RYR2: variants seen among roughly 807,000 people sequenced by gnomAD.
The protein encoded by RYR2 is cardiac muscle ryanodine receptor-calcium release channel.
Under a neutral mutation model 601.1 loss-of-function variants are expected in RYR2, and 227 were observed. The observed-to-expected ratio is 0.38, with a 90% confidence interval of 0.34 to 0.42. RYR2 has a LOEUF of 0.42. Among genes scored for constraint, RYR2 ranks in the 10% least tolerant of loss-of-function variants. The pLI, the probability that RYR2 is intolerant of heterozygous loss-of-function variation, is 1.00. For missense variants in RYR2, 4,646 were observed against 6,156.5 expected, an observed-to-expected ratio of 0.75 and a Z score of 8.21; for synonymous variants, 2,223 against 2,175.1, an observed-to-expected ratio of 1.02 and a Z score of -0.61.
At chr1:237,070,489 G>A (rs1190444022) in intron 1 of RYR2, among the ~76,000 whole-genome samples, 2 of 152,184 alleles carry the variant, frequency 1.3e-5, no homozygotes, top group African/African-American at 4.8e-5. Flanking sequence ...CAAAGTGCTG[G>A]TGTCACAGGA....
At chr1:237,431,263 C>A (rs12132285) in intron 12 of RYR2, among the ~76,000 whole-genome samples, 21,581 of 152,132 alleles carry the variant, frequency 0.14, 1,766 homozygotes, top group East Asian at 0.24. Flanking sequence ...ACTAGAGACA[C>A]TAACTCTTCC....
chr1:237,139,680 C>A (rs1673171200), intron 1 of RYR2, among the ~76,000 whole-genome samples: 1 of 152,178 alleles, frequency 6.6e-6, no homozygotes, highest in South Asian at 2.1e-4. Context: ...TTCTTCTACA[C>A]TGTTTATGAC....
intron 16 of RYR2, among the ~76,000 whole-genome samples, chr1:237,461,728 TAA>T (rs766799590): frequency 2.9e-5 from 4 of 137,468 alleles, no homozygotes; most frequent in Admixed American, 7.3e-5. Context: ...TACAGTTGAG[TAA>T]AAAAAAAAAA....
chr1:237,048,099 G>A (rs1003938564), intron 1 of RYR2, among the ~76,000 whole-genome samples: 9 of 152,078 alleles, frequency 5.9e-5, no homozygotes, highest in East Asian at 1.9e-4. Context: ...TTGCCTGTTC[G>A]GTTCCCTAAG....
At chr1:237,133,526 T>A (rs1332728627) in intron 1 of RYR2, among the ~76,000 whole-genome samples, 1 of 152,206 alleles carries the variant, frequency 6.6e-6, no homozygotes, top group Non-Finnish European at 1.5e-5. Flanking sequence ...TCATTTGGAA[T>A]GTCTTTATTG....
At chr1:237,794,838 T>C (rs1046633574) in intron 95 of RYR2, among the ~76,000 whole-genome samples, 4 of 152,220 alleles carry the variant, frequency 2.6e-5, no homozygotes, top group Non-Finnish European at 4.4e-5. Flanking sequence ...ACTCTCTATG[T>C]ATTAGTGAAG....
chr1:237,666,753 C>G (rs1573421990), intron 57 of RYR2, among the ~76,000 whole-genome samples, 164 bp downstream of exon 57: 1 of 151,960 alleles, frequency 6.6e-6, no homozygotes, highest in Non-Finnish European at 1.5e-5. Flanking sequence ...TTAATGCTAT[C>G]AAAATTGATA....
At chr1:237,364,580 C>A (rs1700047174) in intron 5 of RYR2, among the ~76,000 whole-genome samples, 1 of 151,868 alleles carries the variant, frequency 6.6e-6, no homozygotes. Flanking sequence ...ATCCATGTAA[C>A]TTTTCTTCAC....
At chr1:237,054,880 G>A (rs980715006) in intron 1 of RYR2, among the ~76,000 whole-genome samples, 6 of 152,120 alleles carry the variant, frequency 3.9e-5, no homozygotes, top group Admixed American at 6.5e-5. Context: ...GCCATGTGTT[G>A]TTTCTTCTGT....
intron 6 of RYR2, among the ~76,000 whole-genome samples, chr1:237,371,632 T>C (rs1006061424): frequency 5.9e-5 from 9 of 152,210 alleles, no homozygotes; most frequent in Admixed American, 3.9e-4. Flanking sequence ...TAAATTGTTC[T>C]AAAGCAGAAG....
chr1:237,464,689 A>G (rs1192999716), intron 16 of RYR2, among the ~76,000 whole-genome samples: 2 of 152,188 alleles, frequency 1.3e-5, no homozygotes, highest in Non-Finnish European at 2.9e-5. Flanking sequence ...TCTCCATGCT[A>G]TACATGTACT....
chr1:237,087,033 A>G (rs1049417597), intron 1 of RYR2, among the ~76,000 whole-genome samples: 7 of 152,182 alleles, frequency 4.6e-5, no homozygotes, highest in African/African-American at 1.4e-4. Context: ...GAATATTTTC[A>G]TGGCCACTGA....
At chr1:237,145,233 A>G (rs1350333957) in intron 1 of RYR2, among the ~76,000 whole-genome samples, 1 of 152,002 alleles carries the variant, frequency 6.6e-6, no homozygotes, top group Non-Finnish European at 1.5e-5. Context: ...AAAAAAAAAA[A>G]GAAAAAAAGA....
At chr1:237,244,285 T>C (rs1227246943) in intron 1 of RYR2, among the ~76,000 whole-genome samples, 1 of 152,172 alleles carries the variant, frequency 6.6e-6, no homozygotes, top group African/African-American at 2.4e-5. Context: ...GCATCTTTGC[T>C]TCCAGTCTGA....
intron 10 of RYR2, among the ~76,000 whole-genome samples, chr1:237,391,716 C>T (rs1702399555): frequency 6.6e-6 from 1 of 152,036 alleles, no homozygotes; most frequent in Non-Finnish European, 1.5e-5. Flanking sequence ...GTAGAGTTAC[C>T]TTTACCTTCC....
Position 237,590,703 on chromosome 1 carries a change from G to C in RYR2, c.3871G>C (p.Gly1291Arg), listed in dbSNP as rs2148436857. 2.5e-6 allele frequency: 4 copies of C among 1,597,538 alleles called. No individual in the cohort carries two copies. The highest frequency in any genetic ancestry group is 3.4e-6 in the Non-Finnish European group (4 of 1,169,810). Residue 1291 changes from glycine (G) to arginine (R), a missense_variant, in exon 31 of 105, where the codon GGT becomes CGT. Gly to Arg is a moderately radical substitution (Grantham distance 125, BLOSUM62 -2). Around this residue, in one of 17 missense-constraint regions of RYR2, gnomAD observed 1,807 missense variants for 2,088.1 expected, o/e 0.87. Coordinates refer to ENST00000366574, the MANE Select transcript of RYR2 (RefSeq NM_001035.3). ...TTTAAAGGTCACTCAGAAGTCTTTT[G>C]GTTCTCAGAACAGCAACACTGATAT... ...PCLKVTQKSF[G>R]SQNSNTDIMF... is the part of the protein sequence containing the mutation.
At chr1:237,795,244 C>T in intron 95 of RYR2, 45 bp from the exon 96 acceptor site, 1 of 889,780 alleles carries the variant, frequency 1.1e-6, no homozygotes, top group Non-Finnish European at 1.7e-6. Flanking sequence ...TATTATTTGT[C>T]ATTAAAAATA....
chr1:237,121,623 G>T (rs941172654), intron 1 of RYR2, among the ~76,000 whole-genome samples: 4 of 152,188 alleles, frequency 2.6e-5, no homozygotes, highest in African/African-American at 9.6e-5. Flanking sequence ...GAAAGAGGGA[G>T]ATGTAATAGA....
chr1:237,578,636 G>C (rs1673533277), intron 29 of RYR2, among the ~76,000 whole-genome samples: 1 of 151,034 alleles, frequency 6.6e-6, no homozygotes, highest in Admixed American at 6.6e-5. Context: ...TTTTTTTGGA[G>C]ACTTATTTTG....
Sources: gnomAD v4.1 joint callset for allele counts (sites outside exome capture counted in the v4.1 genomes callset) on GRCh38, gnomAD v4.1.1 for gene constraint, gnomAD v4.1.1 regional missense constraint, MANE v1.5 for transcripts, NCBI Gene and HGNC (gene_info 2026-07-23, HGNC 2026-07-21) for gene names.